PBX1: variants seen among roughly 807,000 people sequenced by gnomAD.
PBX1 encodes PBX homeobox 1, also known as pre-B-cell leukemia transcription factor 1.
PBX1 carries 6 observed loss-of-function variants against 53.4 expected under a neutral mutation model. That is an observed-to-expected ratio of 0.11 (90% CI 0.06 to 0.22). The LOEUF (loss-of-function observed/expected upper bound fraction) is 0.22, where lower values mean the gene tolerates loss of function less well. PBX1 is among the 10% of genes least tolerant of loss of function. The pLI, the probability that PBX1 is intolerant of heterozygous loss-of-function variation, is 1.00. For missense variants in PBX1, 251 were observed against 551.4 expected (o/e 0.46, Z 5.46); for synonymous variants, 204 against 212.3 (o/e 0.96, Z 0.34).
chr1:164,822,556 G>A (rs1265081673), intron 8 of PBX1, among the ~76,000 whole-genome samples: 1 of 152,216 alleles, frequency 6.6e-6, no homozygotes, highest in East Asian at 1.9e-4. Flanking sequence ...GAGATATAAT[G>A]TCTGCAGTGA....
intron 2 of PBX1, among the ~76,000 whole-genome samples, chr1:164,756,526 A>T (rs1460985333): frequency 1.3e-5 from 2 of 152,194 alleles, no homozygotes; most frequent in African/African-American, 2.4e-5. Context: ...ACACTTAGTT[A>T]TGAGGTCTTA....
chr1:164,802,408 T>C (rs1669124506), intron 4 of PBX1, among the ~76,000 whole-genome samples: 1 of 152,124 alleles, frequency 6.6e-6, no homozygotes, highest in Admixed American at 6.5e-5. Flanking sequence ...TTCATTTCCT[T>C]CTGATTGTAC....
intron 2 of PBX1, among the ~76,000 whole-genome samples, chr1:164,626,906 A>G (rs1242756689): frequency 6.6e-6 from 1 of 152,180 alleles, no homozygotes; most frequent in East Asian, 1.9e-4. Context: ...GTGATTTTAT[A>G]TCATAGATCA....
intron 2 of PBX1, among the ~76,000 whole-genome samples, chr1:164,681,724 T>C (rs997959849): frequency 5.9e-5 from 9 of 152,172 alleles, no homozygotes; most frequent in Non-Finnish European, 8.8e-5. Context: ...ACCTATGAGG[T>C]ACTATGCTTA....
intron 2 of PBX1, among the ~76,000 whole-genome samples, chr1:164,673,168 A>T (rs1443326154): frequency 6.6e-6 from 1 of 152,184 alleles, no homozygotes; most frequent in African/African-American, 2.4e-5. Flanking sequence ...TATAAATGCC[A>T]TGAAAATGAT....
At chr1:164,603,198 A>G in intron 2 of PBX1, among the ~76,000 whole-genome samples, 1 of 151,872 alleles carries the variant, frequency 6.6e-6, no homozygotes, top group East Asian at 1.9e-4. Context: ...AAGCAGGGCC[A>G]AAAGGGTGCA....
rs551335950 is a variant in PBX1, at chr1:164,686,681, C to A, written c.266-105813C>A. Among the ~76,000 whole-genome samples, 8 of 152,276 alleles carry A rather than the reference C, an allele frequency of 5.3e-5. No individual in the cohort carries two copies. The East Asian group carries it at 1.5e-3, about 29-fold the overall frequency. ...AGGCATGGGTCAGGTACATCTTCAGCCATGGGTAAGTTTGTTCAACAAATG... is the reference window on the plus strand; with the variant it reads ...AGGCATGGGTCAGGTACATCTTCAGACATGGGTAAGTTTGTTCAACAAATG... On this transcript the variant is annotated intron_variant, in intron 2 of 8. Coordinates refer to ENST00000420696, the MANE Select transcript of PBX1 (RefSeq NM_002585.4).
intron 2 of PBX1, among the ~76,000 whole-genome samples, chr1:164,597,952 A>T (rs1655883524): frequency 6.6e-6 from 1 of 152,090 alleles, no homozygotes; most frequent in Non-Finnish European, 1.5e-5. Flanking sequence ...AATACCACAG[A>T]CTGGGGAATT....
intron 2 of PBX1, among the ~76,000 whole-genome samples, chr1:164,635,350 G>A (rs1330438645): frequency 6.6e-6 from 1 of 152,080 alleles, no homozygotes; most frequent in Non-Finnish European, 1.5e-5. Flanking sequence ...GGGGAACCAG[G>A]CTAAACCACC....
intron 2 of PBX1, among the ~76,000 whole-genome samples, chr1:164,881,289 AAAGGAAGGAAAGAGGG>A (rs1309618082): frequency 2.1e-5 from 3 of 140,074 alleles, no homozygotes; most frequent in African/African-American, 7.5e-5. Context: ...ACACAGAGAG[AAAGGAAGGAAAGAGGG>A]AAGGAAGGAA....
At chr1:164,786,647 C>T (rs1245226726) in intron 2 of PBX1, among the ~76,000 whole-genome samples, 1 of 149,986 alleles carries the variant, frequency 6.7e-6, no homozygotes, top group Non-Finnish European at 1.5e-5. Context: ...TCTTCTTGGC[C>T]AGAGTATCGG....
intron 2 of PBX1, among the ~76,000 whole-genome samples, chr1:164,657,672 A>G (rs191878489): frequency 6.6e-6 from 1 of 152,166 alleles, no homozygotes; most frequent in Non-Finnish European, 1.5e-5. Flanking sequence ...ATAAGTGGGC[A>G]TATTGTTTTT....
chr1:164,652,833 C>G (rs1659912776), intron 2 of PBX1, among the ~76,000 whole-genome samples: 1 of 151,892 alleles, frequency 6.6e-6, no homozygotes, highest in Non-Finnish European at 1.5e-5. Context: ...CTCTTACCAC[C>G]CGCACCCCCA....
At chr1:164,795,501 T>C (rs962961896) in intron 3 of PBX1, among the ~76,000 whole-genome samples, 1 of 152,176 alleles carries the variant, frequency 6.6e-6, no homozygotes, top group Non-Finnish European at 1.5e-5. Context: ...CAGAAGCAAA[T>C]TATGTTCAGT....
chr1:164,597,164 C>T (rs7529254), intron 2 of PBX1, among the ~76,000 whole-genome samples: 65,763 of 152,112 alleles, frequency 0.43, 14,778 homozygotes, highest in African/African-American at 0.51. Context: ...TTTGAGGAAT[C>T]GTTATTCATT....
downstream of PBX1, among the ~76,000 whole-genome samples, chr1:164,852,739 A>T (rs1250983003): frequency 6.6e-6 from 1 of 152,222 alleles, no homozygotes; most frequent in Non-Finnish European, 1.5e-5. Flanking sequence ...GCCTATGGGA[A>T]TCAAATTATC....
intron 2 of PBX1, among the ~76,000 whole-genome samples, chr1:164,750,379 C>T (rs1666136866): frequency 6.6e-6 from 1 of 151,970 alleles, no homozygotes; most frequent in East Asian, 1.9e-4. Flanking sequence ...CAAAATAACA[C>T]AGTATTTTGA....
chr1:164,797,337 C>T (rs903461885), intron 3 of PBX1, among the ~76,000 whole-genome samples: 24 of 152,226 alleles, frequency 1.6e-4, no homozygotes, highest in Non-Finnish European at 2.8e-4. Flanking sequence ...GGCTGCAGCC[C>T]GGCGGGAGGT....
chr1:164,626,115 T>C, intron 2 of PBX1: 1 of 1,023,618 alleles, frequency 9.8e-7, no homozygotes, highest in Non-Finnish European at 1.2e-6. Flanking sequence ...TCGATATCTT[T>C]GCAGGCTGAA....
Sources: gnomAD v4.1 joint callset for allele counts (sites outside exome capture counted in the v4.1 genomes callset) on GRCh38, gnomAD v4.1.1 for gene constraint, MANE v1.5 for transcripts, NCBI Gene and HGNC (gene_info 2026-07-23, HGNC 2026-07-21) for gene names.